TBC1D19: variants seen among roughly 807,000 people sequenced by gnomAD.
TBC1D19 encodes the protein TBC1 domain family, member 19.
A neutral mutation model predicts 89.0 loss-of-function variants in TBC1D19; 60 were observed. That is an observed-to-expected ratio of 0.67 (90% CI 0.55 to 0.84). TBC1D19 has a LOEUF of 0.84. Among genes scored for constraint, TBC1D19 ranks in the 40% least tolerant of loss-of-function variants. TBC1D19 has a pLI of 0.00. For synonymous variants in TBC1D19, 189 were observed against 199.7 expected (o/e 0.95, Z 0.45); for missense variants, 500 against 610.8 (o/e 0.82, Z 1.91).
the TBC1D19 span, among the ~76,000 whole-genome samples, chr4:26,794,055 G>A: frequency 1.3e-5 from 2 of 152,146 alleles, no homozygotes; most frequent in African/African-American, 2.4e-5. Context: ...CGTAGACTGA[G>A]GATGAAGGAG....
At chr4:26,589,254 G>T (rs534249516) in intron 1 of TBC1D19, among the ~76,000 whole-genome samples, 3 of 152,012 alleles carry the variant, frequency 2.0e-5, no homozygotes, top group East Asian at 3.9e-4. Flanking sequence ...CAACCTAGGG[G>T]ACAGAGCGAG....
chr4:26,688,283 G>T, intron 12 of TBC1D19, 62 bp from the exon 13 acceptor site: 1 of 1,497,126 alleles, frequency 6.7e-7, no homozygotes. Flanking sequence ...ACATGTGTAT[G>T]CTTTAGTACT....
At chr4:26,632,423 G>T (rs1742859073) in intron 4 of TBC1D19, among the ~76,000 whole-genome samples, 1 of 151,592 alleles carries the variant, frequency 6.6e-6, no homozygotes, top group Non-Finnish European at 1.5e-5. Flanking sequence ...AAAATATGAA[G>T]AAAATCATAA....
the TBC1D19 span, among the ~76,000 whole-genome samples, chr4:26,844,323 C>A: frequency 6.6e-6 from 1 of 152,298 alleles, no homozygotes; most frequent in East Asian, 1.9e-4. Context: ...TTTAGGAAAA[C>A]CCAACCTCCA....
chr4:26,739,798 A>G, intron 16 of TBC1D19, 66 bp from the exon 17 acceptor site: 1 of 903,320 alleles, frequency 1.1e-6, no homozygotes, highest in Non-Finnish European at 1.6e-6. Context: ...ATTATGACAT[A>G]TTTTATAAAT....
At chr4:26,595,518 T>C (rs1440778058) in intron 1 of TBC1D19, among the ~76,000 whole-genome samples, 1 of 152,208 alleles carries the variant, frequency 6.6e-6, no homozygotes, top group East Asian at 1.9e-4. Context: ...TTTTCTCCTA[T>C]GTTGTCTTCT....
rs150138574 is a variant in TBC1D19 at position 26,734,851 on chromosome 4, G to A, written c.1085-604G>A. ...TTAATTCTGTGATCTGTCTCGTTATGTTTTTGTCCTGTTGTTTTGTGTGTG... is the reference window on the plus strand; with the variant it reads ...TTAATTCTGTGATCTGTCTCGTTATATTTTTGTCCTGTTGTTTTGTGTGTG... On this transcript the variant is annotated intron_variant, in intron 15 of 20. Transcript: ENST00000264866. Among the ~76,000 whole-genome samples, 8 of 151,538 alleles carry A rather than the reference G, an allele frequency of 5.3e-5. No individual in the cohort carries two copies. The East Asian group carries it at 1.2e-3, about 22-fold the overall frequency.
chr4:26,605,646 T>C (rs893683411), intron 1 of TBC1D19, among the ~76,000 whole-genome samples: 3 of 152,294 alleles, frequency 2.0e-5, no homozygotes, highest in South Asian at 2.1e-4. Flanking sequence ...TCCACAATGG[T>C]TGAACTAGTT....
At chr4:26,839,618 C>A in the TBC1D19 span, among the ~76,000 whole-genome samples, 38 of 152,116 alleles carry the variant, frequency 2.5e-4, no homozygotes, top group African/African-American at 7.2e-4. Context: ...AAAAATTAGT[C>A]TCTACCCTTG....
chr4:26,736,789 C>G (rs945687770), intron 16 of TBC1D19, among the ~76,000 whole-genome samples: 1 of 152,136 alleles, frequency 6.6e-6, no homozygotes. Flanking sequence ...ACAATTACAT[C>G]AGAGCATTCA....
intron 7 of TBC1D19, among the ~76,000 whole-genome samples, chr4:26,645,180 A>T (rs7676433): frequency 0.013 from 2,033 of 152,346 alleles, 39 homozygotes; most frequent in African/African-American, 0.047. Flanking sequence ...GAACCAAAAA[A>T]GAGCCCGCAG....
the TBC1D19 span, among the ~76,000 whole-genome samples, chr4:26,761,623 T>C: frequency 6.6e-6 from 1 of 152,178 alleles, no homozygotes; most frequent in Non-Finnish European, 1.5e-5. Flanking sequence ...TTTCCATATA[T>C]ACAGTATGTC....
the TBC1D19 span, among the ~76,000 whole-genome samples, chr4:26,803,154 A>G: frequency 5.9e-4 from 90 of 152,330 alleles, no homozygotes; most frequent in Non-Finnish European, 8.2e-4. Context: ...CTCTATGCAG[A>G]TTTCCTGGGT....
At chr4:26,851,319 A>ATCTGTCTG in the TBC1D19 span, among the ~76,000 whole-genome samples, 246 of 147,502 alleles carry the variant, frequency 1.7e-3, 1 homozygote, top group Admixed American at 2.4e-3. Flanking sequence ...CTATCTATCT[A>ATCTGTCTG]TCTATCTATC....
intron 1 of TBC1D19, among the ~76,000 whole-genome samples, chr4:26,592,907 T>C (rs1739918364): frequency 6.6e-6 from 1 of 152,102 alleles, no homozygotes; most frequent in African/African-American, 2.4e-5. Flanking sequence ...AAAATGGCCA[T>C]ACTGCCCAAG....
intron 1 of TBC1D19, among the ~76,000 whole-genome samples, chr4:26,578,575 A>G (rs1329711942): frequency 6.7e-6 from 1 of 148,580 alleles, no homozygotes; most frequent in Admixed American, 6.7e-5. Flanking sequence ...GTAGAAATGT[A>G]AGAGAGAGAG....
chr4:26,798,433 T>A, the TBC1D19 span, among the ~76,000 whole-genome samples: 248 of 152,238 alleles, frequency 1.6e-3, no homozygotes, highest in Non-Finnish European at 3.1e-3. Flanking sequence ...GAAAAGGGAA[T>A]GCTTATACAC....
At chr4:26,732,773 T>A (rs1222417369) in intron 15 of TBC1D19, among the ~76,000 whole-genome samples, 4 of 152,126 alleles carry the variant, frequency 2.6e-5, no homozygotes, top group African/African-American at 7.2e-5. Context: ...TGCCAGTCAC[T>A]CTGAAAGTCA....
At chr4:26,598,816 A>G (rs1192958314) in intron 1 of TBC1D19, among the ~76,000 whole-genome samples, 1 of 152,216 alleles carries the variant, frequency 6.6e-6, no homozygotes, top group Admixed American at 6.5e-5. Context: ...TCAAAAAAGG[A>G]TTATGAATCT....
Sources: allele counts gnomAD v4.1 joint callset (sites outside exome capture counted in the v4.1 genomes callset), GRCh38; gene constraint gnomAD v4.1.1; transcripts MANE v1.5; gene names NCBI Gene and HGNC (gene_info 2026-07-23, HGNC 2026-07-21).